Variants in RFX2 observed in about 807,000 individuals in gnomAD.
RFX2 encodes the protein DNA-binding protein RFX2.
In RFX2, 20 loss-of-function variants were observed where a neutral mutation model predicts 87.8. That is an observed-to-expected ratio of 0.23 (90% confidence interval 0.16 to 0.33). RFX2 has a LOEUF of 0.33. Ranked by LOEUF, RFX2 falls within the 10% of genes least tolerant of loss-of-function variation. The pLI, the probability that RFX2 is intolerant of heterozygous loss-of-function variation, is 1.00. For synonymous variants in RFX2, 397 were observed against 431.3 expected, an observed-to-expected ratio of 0.92 and a Z score of 0.98; for missense variants, 767 against 1,012.3, an observed-to-expected ratio of 0.76 and a Z score of 3.29.
intron 17 of RFX2, among the ~76,000 whole-genome samples, chr19:5,995,330 CA>C (rs2086391782): frequency 6.6e-6 from 1 of 152,154 alleles, no homozygotes; most frequent in African/African-American, 2.4e-5. Flanking sequence ...CGCAGGAGAC[CA>C]GGGGCTGCCT....
chr19:6,016,145 C>T lies in RFX2; in HGVS notation c.724G>A (p.Gly242Arg). 6.2e-7 allele frequency: 1 copy of T among 1,614,006 alleles called. No homozygotes were observed. ...KLDPVNAASF[G>R]KLIRSVFMGL... ...ATAAACACAGAACGGATCAGTTTCC[C>T]GAAGGAGGCGGCGTTCACTGGGTCT... Residue 242 changes from glycine to arginine, a missense_variant, in exon 7 of 18, where the codon GGG (glycine) becomes AGG (arginine). Coordinates refer to ENST00000303657, the MANE Select transcript of RFX2 (RefSeq NM_000635.4). The surrounding 1 kb of genome is among the most constrained non-coding windows in gnomAD (Gnocchi z 5.4).
chr19:6,081,159 G>C (rs2087777944), intron 1 of RFX2, among the ~76,000 whole-genome samples: 1 of 152,024 alleles, frequency 6.6e-6, no homozygotes, highest in Non-Finnish European at 1.5e-5. Context: ...GACAGAAAGA[G>C]TGAATGCAGG....
At chr19:6,037,497 A>G (rs2087041394) in intron 5 of RFX2, among the ~76,000 whole-genome samples, 1 of 152,222 alleles carries the variant, frequency 6.6e-6, no homozygotes, top group African/African-American at 2.4e-5. Context: ...AGAATTTTGT[A>G]TAAGTTACAA....
At chr19:6,093,629 C>T (rs2087977689) in intron 1 of RFX2, among the ~76,000 whole-genome samples, 1 of 151,408 alleles carries the variant, frequency 6.6e-6, no homozygotes, top group Admixed American at 6.6e-5. Flanking sequence ...AGCACAAACA[C>T]AGTAGAAAGT....
At position 6,026,936 on chromosome 19, in the gene RFX2, G is replaced by A. The variant is rs910796479; in HGVS notation, c.523-699C>T. Among the ~76,000 whole-genome samples the A allele has an allele frequency of 2.6e-5, 4 of 152,210 alleles. No individual in the cohort carries two copies. The highest frequency in any genetic ancestry group is 7.2e-5 in the African/African-American group (3 of 41,448). On this transcript the variant is annotated intron_variant, in intron 5 of 17. Transcript: ENST00000303657. This position sits in a 1 kb window ranked among gnomAD's most constrained non-coding sequence, Gnocchi z 4.5. ...GGAAGGGGCTTTTGAGTTGGATCCTGAAGGACCTGATGGAGGTGGGGAGGG... is the reference window on the plus strand; with the variant it reads ...GGAAGGGGCTTTTGAGTTGGATCCTAAAGGACCTGATGGAGGTGGGGAGGG...
intron 7 of RFX2, among the ~76,000 whole-genome samples, chr19:6,015,163 C>T (rs1037868363): frequency 1.3e-5 from 2 of 152,160 alleles, no homozygotes; most frequent in African/African-American, 2.4e-5. Context: ...CACAGTGACT[C>T]ACACCTGTAA....
rs185712970 is a variant in RFX2, at chr19:6,022,628, C to T, written c.597+3535G>A. On this transcript the variant is annotated intron_variant, in intron 6 of 17. Coordinates refer to ENST00000303657, the MANE Select transcript of RFX2 (RefSeq NM_000635.4). This position sits in a 1 kb window ranked among gnomAD's most constrained non-coding sequence, Gnocchi z 6.2. ...TGAAGACATGTTTCATCCCCAGCCC[C>T]GGCTCCGTCCCCTTCCCTCTGGAAG... 2.8e-3 allele frequency among the ~76,000 whole-genome samples: 434 copies of T among 152,364 alleles called. 2 individuals are homozygous for T. Among genetic ancestry groups the T allele is most frequent in the African/African-American group, 9.7e-3 (405 of 41,592 alleles).
rs2086427719 is a variant in RFX2, at chr19:5,997,361, CG to C, written c.1860-149del. 5.7e-6 allele frequency: 5 copies of C among 884,670 alleles called. No homozygotes were observed. The South Asian group carries it at 9.7e-5, about 17-fold the overall frequency. 54.8% of individuals were successfully genotyped at this position (884,670 alleles called of 1,614,324 possible). A position where few individuals can be genotyped will look rare whatever the true frequency, so the allele number is the denominator to read the frequency against. ...TGATCCTAAGACGTGCAGGCCTACG[CG>C]GGGGCTGACGGGCTGCCGAGACCCT... is the stretch of plus-strand genomic sequence containing the variant. On this transcript the variant is annotated intron_variant, in intron 15 of 17. Coordinates refer to ENST00000303657, the MANE Select transcript of RFX2 (RefSeq NM_000635.4). The surrounding 1 kb of genome is among the most constrained non-coding windows in gnomAD (Gnocchi z 4.2).
chr19:6,027,746 TGAAAAA>T lies in RFX2; in HGVS notation c.523-1515_523-1510del, dbSNP rs1367397006. On this transcript the variant is annotated intron_variant, in intron 5 of 17. Coordinates refer to ENST00000303657, the MANE Select transcript of RFX2 (RefSeq NM_000635.4). This position sits in a 1 kb window ranked among gnomAD's most constrained non-coding sequence, Gnocchi z 5.0. ...ATTTTGAGATTTCACCACCCACCCC[TGAAAAA>T]GAGCTTTATTTACTTATCTTTTTCT... Among the ~76,000 whole-genome samples, 1 of 152,210 alleles carries T rather than the reference TGAAAAA, an allele frequency of 6.6e-6. No individual in the cohort carries two copies. Among genetic ancestry groups the T allele is most frequent in the Non-Finnish European group, 1.5e-5 (1 of 68,022 alleles).
intron 1 of RFX2, chr19:6,073,423 C>A: frequency 9.8e-7 from 1 of 1,015,576 alleles, no homozygotes; most frequent in East Asian, 2.6e-5. Context: ...GTGCTGAGAT[C>A]GCTCACAGTG....
intron 1 of RFX2, among the ~76,000 whole-genome samples, chr19:6,096,473 G>A (rs761460519): frequency 5.9e-5 from 9 of 152,100 alleles, no homozygotes; most frequent in East Asian, 1.9e-4. Context: ...TTGAGATGGA[G>A]TCTTGCTCTG....
At chr19:6,014,894 C>T (rs1232021759) in intron 7 of RFX2, among the ~76,000 whole-genome samples, 9 of 152,220 alleles carry the variant, frequency 5.9e-5, no homozygotes, top group Non-Finnish European at 1.0e-4. Flanking sequence ...TTTGAGAGCA[C>T]GTGAGTCAGC....
Position 6,013,931 on chromosome 19 carries a change from T to A in RFX2, c.780-826A>T, listed in dbSNP as rs1020012309. ...GCTTTGTTGAGCTCCACATGGCTTATCTCCATTATTATTACCATTATTATT... is the reference window on the plus strand; with the variant it reads ...GCTTTGTTGAGCTCCACATGGCTTAACTCCATTATTATTACCATTATTATT... On this transcript the variant is annotated intron_variant, in intron 7 of 17. Transcript: ENST00000303657. The surrounding 1 kb of genome is among the most constrained non-coding windows in gnomAD (Gnocchi z 4.1). Among the ~76,000 whole-genome samples the A allele has an allele frequency of 6.6e-6, 1 of 152,150 alleles. No individual in the cohort carries two copies. Among genetic ancestry groups the A allele is most frequent in the Non-Finnish European group, 1.5e-5 (1 of 68,030 alleles).
Position 6,074,759 on chromosome 19 carries a change from G to A in RFX2, c.-8-27255C>T, listed in dbSNP as rs541901436. Among the ~76,000 whole-genome samples, 4 of 152,348 alleles carry A rather than the reference G, an allele frequency of 2.6e-5. No individual in the cohort carries two copies. The highest frequency in any genetic ancestry group is 9.6e-5 in the African/African-American group (4 of 41,588). The stretch of plus-strand genomic sequence containing the variant: ...TGACAGGACAGAGGCAGAGTGAGGT[G>A]AGGAAAGTGTCGCCGCTGAGAAGGC... On this transcript the variant is annotated intron_variant, in intron 1 of 17. Transcript: ENST00000303657. The surrounding 1 kb of genome is among the most constrained non-coding windows in gnomAD (Gnocchi z 5.2).
chr19:6,008,201 A>T lies in RFX2; in HGVS notation c.1039T>A (p.Phe347Ile), dbSNP rs942642005. ...AAGCTGCCCAGGTCGGGCGCTGGGA[A>T]CTCGGGGAAGACGTGGGAGACATCT... is the stretch of plus-strand genomic sequence containing the variant. ...YIDVSHVFPE[F>I]PAPDLGSFLL... is the part of the protein sequence containing the mutation. The change falls in exon 10 of 18, where the codon TTC becomes ATC. Residue 347 changes from phenylalanine (F) to isoleucine (I), a missense_variant. Physicochemically the swap from Phe to Ile is conservative, Grantham distance 21. Coordinates refer to ENST00000303657, the MANE Select transcript of RFX2 (RefSeq NM_000635.4). 6.4e-7 allele frequency: 1 copy of T among 1,561,574 alleles called. No individual in the cohort carries two copies. Among genetic ancestry groups the T allele is most frequent in the Non-Finnish European group, 8.7e-7 (1 of 1,150,354 alleles).
In RFX2 at chr19:6,045,669, T is replaced by G. The variant is rs570128570; in HGVS notation, c.91-1387A>C. 0.018 allele frequency among the ~76,000 whole-genome samples: 2,680 copies of G among 147,960 alleles called. 93 individuals carry two copies. Among genetic ancestry groups the G allele is most frequent in the African/African-American group, 0.068 (2,568 of 37,522 alleles). On this transcript the variant is annotated intron_variant, in intron 2 of 17. Coordinates refer to ENST00000303657, the MANE Select transcript of RFX2 (RefSeq NM_000635.4). The surrounding 1 kb of genome is among the most constrained non-coding windows in gnomAD (Gnocchi z 5.2). Reference sequence around the variant, plus strand: ...TTTTGCGGAATTGTGTTTTTTTGTTTTTGTTTTTTTGTGTTTTTTGGGACG... The same window carrying G: ...TTTTGCGGAATTGTGTTTTTTTGTTGTTGTTTTTTTGTGTTTTTTGGGACG...
At chr19:6,065,771 C>A (rs1568531513) in intron 1 of RFX2, among the ~76,000 whole-genome samples, 1 of 152,006 alleles carries the variant, frequency 6.6e-6, no homozygotes, top group Non-Finnish European at 1.5e-5. Context: ...CAAAGTGAAT[C>A]GTCCTTAAAA....
intron 1 of RFX2, among the ~76,000 whole-genome samples, chr19:6,062,539 G>A (rs755488884): frequency 6.6e-6 from 1 of 152,192 alleles, no homozygotes; most frequent in African/African-American, 2.4e-5. Context: ...ACAGCTTCCC[G>A]ACCTACGTGG....
chr19:6,064,257 G>T lies in RFX2; in HGVS notation c.-8-16753C>A, dbSNP rs1198928078. Among the ~76,000 whole-genome samples the T allele has an allele frequency of 3.3e-5, 5 of 152,224 alleles. No homozygotes were observed. The highest frequency in any genetic ancestry group is 7.3e-5 in the Non-Finnish European group (5 of 68,040). On this transcript the variant is annotated intron_variant, in intron 1 of 17. Coordinates refer to ENST00000303657, the MANE Select transcript of RFX2 (RefSeq NM_000635.4). The surrounding 1 kb of genome is among the most constrained non-coding windows in gnomAD (Gnocchi z 4.8). ...CTCCCGTCTTCAGCTGAGCACAGGG[G>T]CCTGTCCCAGGATTCTTGGAAGCGG... is the stretch of plus-strand genomic sequence containing the variant.
Sources: allele counts gnomAD v4.1 joint callset (sites outside exome capture counted in the v4.1 genomes callset), GRCh38; gene constraint gnomAD v4.1.1; non-coding constraint Gnocchi (gnomAD v3.1); transcripts MANE v1.5; gene names NCBI Gene and HGNC (gene_info 2026-07-23, HGNC 2026-07-21).